SAMD8: variants seen among roughly 807,000 people sequenced by gnomAD.
SAMD8 encodes the protein sphingomyelin synthase-related protein 1.
A neutral mutation model predicts 42.0 loss-of-function variants in SAMD8; 20 were observed. The ratio of observed to expected loss-of-function variants is 0.48; its 90% CI spans 0.34 to 0.69. SAMD8 has a LOEUF of 0.69. SAMD8 is among the 30% of genes least tolerant of loss of function. The pLI is 0.01. For missense variants in SAMD8, 328 were observed against 511.6 expected (o/e 0.64, Z 3.46); for synonymous variants, 162 against 173.0 (o/e 0.94, Z 0.50).
At chr10:75,164,572 G>A in intron 2 of SAMD8, 73 bp from the exon 3 acceptor site, 1 of 1,551,824 alleles carries the variant, frequency 6.4e-7, no homozygotes, top group Non-Finnish European at 8.8e-7. Context: ...TATTAAAAGA[G>A]CACCTTACTG....
At chr10:75,164,060 C>G (rs1309843609) in intron 2 of SAMD8, among the ~76,000 whole-genome samples, 1 of 152,020 alleles carries the variant, frequency 6.6e-6, no homozygotes, top group East Asian at 1.9e-4. Context: ...ACAAAAAATA[C>G]AAAAAGTTAG....
At chr10:75,100,079 G>C (rs1010798175) in intron 1 of SAMD8, among the ~76,000 whole-genome samples, 1 of 152,098 alleles carries the variant, frequency 6.6e-6, no homozygotes, top group Non-Finnish European at 1.5e-5. Flanking sequence ...GACAGGCTCC[G>C]GGCTCAGGCC....
chr10:75,136,055 A>G (rs1839879659), intron 1 of SAMD8, among the ~76,000 whole-genome samples: 2 of 151,992 alleles, frequency 1.3e-5, no homozygotes, highest in South Asian at 2.1e-4. Context: ...ACTGAGTGCT[A>G]CTTTTCTTTT....
intron 1 of SAMD8, among the ~76,000 whole-genome samples, chr10:75,137,508 C>G (rs1332776530): frequency 6.6e-6 from 1 of 151,378 alleles, no homozygotes; most frequent in Admixed American, 6.6e-5. Context: ...CCACTGCACT[C>G]CAGCCTGGGT....
chr10:75,170,753 C>CAT (rs1840834189), intron 4 of SAMD8, among the ~76,000 whole-genome samples: 1 of 146,644 alleles, frequency 6.8e-6, no homozygotes, highest in East Asian at 2.0e-4. Flanking sequence ...CTTACACACT[C>CAT]ATATAAGTTT....
chr10:75,106,400 G>A (rs1848512763), intron 1 of SAMD8, among the ~76,000 whole-genome samples: 1 of 151,924 alleles, frequency 6.6e-6, no homozygotes, highest in African/African-American at 2.4e-5. Context: ...CCAAATACCT[G>A]CAAATTGTTT....
chr10:75,130,690 A>G (rs941573326), intron 1 of SAMD8, among the ~76,000 whole-genome samples: 1 of 152,182 alleles, frequency 6.6e-6, no homozygotes, highest in Non-Finnish European at 1.5e-5. Flanking sequence ...GTGACTTTAA[A>G]TCATTTAAAT....
intron 1 of SAMD8, chr10:75,105,793 T>A: frequency 6.4e-7 from 1 of 1,551,010 alleles, no homozygotes; most frequent in Non-Finnish European, 8.7e-7. Context: ...GGACAGCCGC[T>A]GGTGCAGCAT....
At chr10:75,112,381 G>A (rs1316031861) in intron 1 of SAMD8, among the ~76,000 whole-genome samples, 1 of 152,166 alleles carries the variant, frequency 6.6e-6, no homozygotes, top group Non-Finnish European at 1.5e-5. Flanking sequence ...TCTAATTTTG[G>A]GCTTTGGCAT....
chr10:75,116,119 A>T (rs1589930731), intron 1 of SAMD8, among the ~76,000 whole-genome samples: 1 of 150,068 alleles, frequency 6.7e-6, no homozygotes. Flanking sequence ...TTTTTTTTTT[A>T]AAGATAGGGT....
Position 75,164,282 on chromosome 10 carries a change from A to G in SAMD8, c.579-363A>G, listed in dbSNP as rs74146293. 9.6e-3 allele frequency among the ~76,000 whole-genome samples: 1,455 copies of G among 152,312 alleles called. 21 individuals carry two copies. The highest frequency in any genetic ancestry group is 0.033 in the African/African-American group (1,356 of 41,574). On this transcript the variant is annotated intron_variant, in intron 2 of 5. Transcript: ENST00000542569. ...AACCCTGATTGTTTGCACTCTGAAA[A>G]GAGCACTTCATGCAAGAAATGGGCC...
At chr10:75,108,011 A>G (rs754034145), upstream of SAMD8, 6 of 1,613,050 alleles carry the variant, frequency 3.7e-6, no homozygotes, top group Admixed American at 8.4e-5. Context: ...TGTTGAGGGC[A>G]CGGTGGATGA....
intron 1 of SAMD8, among the ~76,000 whole-genome samples, chr10:75,126,291 A>C (rs907212845): frequency 6.6e-6 from 1 of 152,166 alleles, no homozygotes; most frequent in Non-Finnish European, 1.5e-5. Context: ...AAATTAGATA[A>C]ATATCCACTT....
In SAMD8 at chr10:75,152,530, AAAAAAG is replaced by A. The variant is rs1306948207; in HGVS notation, c.578+1430_578+1435del. On this transcript the variant is annotated intron_variant, in intron 2 of 5. Coordinates refer to ENST00000542569, the MANE Select transcript of SAMD8 (RefSeq NM_001174156.2). ...GAGCGAGACTCCGTCTCAAAAAAAAAAAAAAGAAAAAAAAAAAAGAAAAATAAGAAT... is the reference window on the plus strand; with the variant it reads ...GAGCGAGACTCCGTCTCAAAAAAAAAAAAAAAAAAAAAGAAAAATAAGAAT... 2.2e-3 allele frequency among the ~76,000 whole-genome samples: 332 copies of A among 148,688 alleles called. 1 individual carries two copies. The highest frequency in any genetic ancestry group is 7.7e-3 in the African/African-American group (305 of 39,778).
chr10:75,152,248 C>T (rs1448943301), intron 2 of SAMD8, among the ~76,000 whole-genome samples: 4 of 151,336 alleles, frequency 2.6e-5, no homozygotes, highest in East Asian at 2.0e-4. Flanking sequence ...TAGGGCCGGG[C>T]GCGGTGGCTC....
At position 75,176,504 on chromosome 10, in the gene SAMD8, T is replaced by C; in HGVS notation, c.1060T>C (p.Tyr354His). ...HYSIDVFIAF[Y>H]ITTRLFLYYH... is the part of the protein sequence containing the mutation. ...TTCTATTGATGTGTTTATTGCTTTT[T>C]ATATAACAACAAGACTCTTTTTGTA... The change falls in exon 6 of 6, where the codon TAT becomes CAT. Residue 354 changes from tyrosine to histidine, a missense_variant. By Grantham distance (83) the Tyr-to-His change is moderately conservative. Transcript: ENST00000542569. The surrounding 1 kb of genome is among the most constrained non-coding windows in gnomAD (Gnocchi z 4.3). The C allele has an allele frequency of 1.9e-6, 3 of 1,550,826 alleles. No individual in the cohort carries two copies. The South Asian group carries it at 3.6e-5, about 18-fold the overall frequency.
At chr10:75,106,732 T>A (rs1848539304), upstream of SAMD8, among the ~76,000 whole-genome samples, 1 of 152,258 alleles carries the variant, frequency 6.6e-6, no homozygotes, top group Non-Finnish European at 1.5e-5. Context: ...TCTTAAAGTC[T>A]GGATTCCCAG....
chr10:75,147,124 T>A (rs1044803083), intron 1 of SAMD8, among the ~76,000 whole-genome samples: 4 of 152,124 alleles, frequency 2.6e-5, no homozygotes, highest in Admixed American at 6.6e-5. Flanking sequence ...TGTAAAGAAC[T>A]GGTGAGCTAA....
At chr10:75,138,824 T>TC (rs1304327536) in intron 1 of SAMD8, among the ~76,000 whole-genome samples, 1 of 152,200 alleles carries the variant, frequency 6.6e-6, no homozygotes, top group Non-Finnish European at 1.5e-5. Context: ...TTCAGAACAG[T>TC]CCGGTGTTTT....
Sources: allele counts gnomAD v4.1 joint callset (sites outside exome capture counted in the v4.1 genomes callset), GRCh38; gene constraint gnomAD v4.1.1; non-coding constraint Gnocchi (gnomAD v3.1); transcripts MANE v1.5; gene names NCBI Gene and HGNC (gene_info 2026-07-23, HGNC 2026-07-21).